The following ZNF385D variants were observed in gnomAD, a reference collection of about 807,000 sequenced individuals.
ZNF385D encodes the protein zinc finger protein 659.
A neutral mutation model predicts 35.8 loss-of-function variants in ZNF385D; 15 were observed. That is an observed-to-expected ratio of 0.42 (90% CI 0.28 to 0.64). The LOEUF (loss-of-function observed/expected upper bound fraction) is 0.64. Ranked by LOEUF, ZNF385D falls within the 30% of genes least tolerant of loss-of-function variation. The probability of loss-of-function intolerance (pLI) is 0.23; values close to 1 mark genes in which losing one functional copy is unlikely to be tolerated. For synonymous variants in ZNF385D, 212 were observed against 186.8 expected (o/e 1.13, Z -1.10); for missense variants, 474 against 494.6 (o/e 0.96, Z 0.39).
intron 2 of ZNF385D, among the ~76,000 whole-genome samples, chr3:22,251,211 G>T (rs763407827): frequency 1.3e-5 from 2 of 152,084 alleles, no homozygotes; most frequent in African/African-American, 4.8e-5. Context: ...GACGTGAAAA[G>T]AAGAATCCGT....
intron 2 of ZNF385D, among the ~76,000 whole-genome samples, chr3:21,617,424 TA>T (rs2064878917): frequency 6.6e-6 from 1 of 152,200 alleles, no homozygotes; most frequent in African/African-American, 2.4e-5. Context: ...CGTTTATCTG[TA>T]AAAAATGGTA....
At chr3:21,658,843 T>A (rs2066151959) in intron 2 of ZNF385D, among the ~76,000 whole-genome samples, 1 of 152,080 alleles carries the variant, frequency 6.6e-6, no homozygotes, top group African/African-American at 2.4e-5. Context: ...CTTTATAGAA[T>A]GATTTAACTA....
At chr3:22,358,921 G>C (rs1490855651) in intron 2 of ZNF385D, among the ~76,000 whole-genome samples, 3 of 151,530 alleles carry the variant, frequency 2.0e-5, no homozygotes, top group Non-Finnish European at 3.0e-5. Flanking sequence ...ATGACTTAGT[G>C]TCTAGATATC....
chr3:21,772,236 T>TA (rs1227011255), intron 3 of ZNF385D, among the ~76,000 whole-genome samples: 1 of 151,876 alleles, frequency 6.6e-6, no homozygotes, highest in African/African-American at 2.4e-5. Flanking sequence ...CACAACTTTA[T>TA]AAAAATTTTT....
intron 3 of ZNF385D, among the ~76,000 whole-genome samples, chr3:22,122,119 T>A (rs1703119846): frequency 6.6e-6 from 1 of 152,110 alleles, no homozygotes; most frequent in Non-Finnish European, 1.5e-5. Flanking sequence ...CAAGTTTTCT[T>A]TTTTTAAACC....
chr3:21,447,437 C>T (rs1702215200), intron 4 of ZNF385D, among the ~76,000 whole-genome samples: 1 of 152,168 alleles, frequency 6.6e-6, no homozygotes, highest in African/African-American at 2.4e-5. Flanking sequence ...CTGCATGCTG[C>T]AGTAACAGTT....
At chr3:21,431,230 T>G (rs995773425) in intron 5 of ZNF385D, 1 of 152,126 alleles carries the variant, frequency 6.6e-6, no homozygotes, top group Non-Finnish European at 1.5e-5. Context: ...AGCTAGAAAA[T>G]GCGTCTTGAC....
At chr3:21,941,494 T>C (rs1284349619) in intron 3 of ZNF385D, among the ~76,000 whole-genome samples, 27 of 25,368 alleles carry the variant, frequency 1.1e-3, no homozygotes, top group African/African-American at 2.9e-3. Flanking sequence ...ATTACTCTTT[T>C]TTTTTTTTTT....
chr3:21,825,892 T>C (rs1694582838), intron 3 of ZNF385D, among the ~76,000 whole-genome samples: 1 of 152,174 alleles, frequency 6.6e-6, no homozygotes, highest in Non-Finnish European at 1.5e-5. Flanking sequence ...TGAGCTCCGC[T>C]CCTTTCCCAC....
At chr3:22,274,083 A>C (rs781248964) in intron 2 of ZNF385D, among the ~76,000 whole-genome samples, 3 of 151,914 alleles carry the variant, frequency 2.0e-5, no homozygotes, top group Non-Finnish European at 4.4e-5. Context: ...ATTTTAATTC[A>C]AGGATCCTTG....
At chr3:21,812,161 T>G (rs752335357) in intron 3 of ZNF385D, among the ~76,000 whole-genome samples, 1 of 152,160 alleles carries the variant, frequency 6.6e-6, no homozygotes, top group Non-Finnish European at 1.5e-5. Flanking sequence ...TTTGATTTCC[T>G]CAATTAAAAA....
chr3:22,086,051 C>A (rs76575809), intron 3 of ZNF385D, among the ~76,000 whole-genome samples: 5 of 152,156 alleles, frequency 3.3e-5, no homozygotes, highest in African/African-American at 1.2e-4. Flanking sequence ...TGGCACATAT[C>A]TCAAAATAAT....
intron 3 of ZNF385D, among the ~76,000 whole-genome samples, chr3:22,163,061 C>A (rs1002839070): frequency 6.6e-6 from 1 of 152,034 alleles, no homozygotes; most frequent in African/African-American, 2.4e-5. Context: ...AGATGTCTAC[C>A]CACTTTTGAG....
At chr3:21,996,199 C>G (rs2125405064) in intron 3 of ZNF385D, among the ~76,000 whole-genome samples, 1 of 152,256 alleles carries the variant, frequency 6.6e-6, no homozygotes. Flanking sequence ...ATGTGGACTC[C>G]CAGCAGCTTC....
intron 4 of ZNF385D, among the ~76,000 whole-genome samples, chr3:21,498,805 T>C (rs1225824085): frequency 1.4e-4 from 22 of 151,730 alleles, no homozygotes; most frequent in Admixed American, 1.4e-3. Flanking sequence ...TAGCTGGGCG[T>C]GGTGGCGTGA....
At chr3:22,216,116 C>T (rs1348036872) in intron 2 of ZNF385D, among the ~76,000 whole-genome samples, 1 of 151,872 alleles carries the variant, frequency 6.6e-6, no homozygotes, top group African/African-American at 2.4e-5. Flanking sequence ...CTCTGTTAGT[C>T]CTTAAAATTT....
At chr3:22,049,450 T>C (rs1211798038) in intron 3 of ZNF385D, among the ~76,000 whole-genome samples, 2 of 152,032 alleles carry the variant, frequency 1.3e-5, no homozygotes, top group Non-Finnish European at 2.9e-5. Context: ...CAAATAAAAA[T>C]GAATAGAAAC....
intron 2 of ZNF385D, among the ~76,000 whole-genome samples, chr3:22,240,909 C>T (rs1699458974): frequency 6.6e-6 from 1 of 150,922 alleles, no homozygotes; most frequent in Non-Finnish European, 1.5e-5. Flanking sequence ...GTACATGCTT[C>T]TTTTGATGCA....
chr3:22,313,393 G>A (rs1460662628), intron 2 of ZNF385D, among the ~76,000 whole-genome samples: 1 of 151,440 alleles, frequency 6.6e-6, no homozygotes, highest in Non-Finnish European at 1.5e-5. Flanking sequence ...AAAACTTAAA[G>A]TATAATAATA....
Sources: gnomAD v4.1 joint callset for allele counts (sites outside exome capture counted in the v4.1 genomes callset) on GRCh38, gnomAD v4.1.1 for gene constraint, MANE v1.5 for transcripts, NCBI Gene and HGNC (gene_info 2026-07-23, HGNC 2026-07-21) for gene names.